The following SLC35G1 variants were observed in gnomAD, a reference collection of about 807,000 sequenced individuals.
SLC35G1 encodes the protein solute carrier family 35 member G1, also known as partner of STIM1.
Under a neutral mutation model 17.1 loss-of-function variants are expected in SLC35G1, and 10 were observed. The observed-to-expected ratio is 0.59, with a 90% confidence interval of 0.36 to 0.99. The LOEUF is 0.99. Among genes scored for constraint, SLC35G1 ranks in the 50% least tolerant of loss-of-function variants. The probability of loss-of-function intolerance (pLI) is 0.01; values close to 1 mark genes in which losing one functional copy is unlikely to be tolerated. For missense variants in SLC35G1, 433 were observed against 468.4 expected (o/e 0.92, Z 0.70); for synonymous variants, 185 against 181.1 (o/e 1.02, Z -0.18).
At chr10:93,906,555 T>A (rs1458749092), downstream of SLC35G1, among the ~76,000 whole-genome samples, 1 of 151,934 alleles carries the variant, frequency 6.6e-6, no homozygotes, top group Non-Finnish European at 1.5e-5. Context: ...AAAAAAAAAA[T>A]ATAAACGATA....
Position 93,898,478 on chromosome 10 carries a change from C to T in SLC35G1, c.179-93C>T, listed in dbSNP as rs2060352190. 2.3e-6 allele frequency: 3 copies of T among 1,287,996 alleles called. No individual in the cohort carries two copies. The African/African-American group carries it at 4.5e-5, about 19-fold the overall frequency. The allele number at this position is 1,287,996 out of a possible 1,614,324, so 79.8% of individuals were successfully genotyped here. A position where few individuals can be genotyped will look rare whatever the true frequency, so the allele number is the denominator to read the frequency against. On this transcript the variant is annotated intron_variant, in intron 1 of 2. Transcript: ENST00000427197. ...TTAGGAGGTAATAAAGCCTGTTGAC[C>T]TTTGACACTGTTCCATTTTTCTCAG... is the stretch of plus-strand genomic sequence containing the variant.
chr10:93,897,113 AT>A (rs1429758598), intron 1 of SLC35G1, among the ~76,000 whole-genome samples: 1 of 152,208 alleles, frequency 6.6e-6, no homozygotes, highest in Admixed American at 6.5e-5. Context: ...ACAGAACAGA[AT>A]GAGGATTCTG....
intron 1 of SLC35G1, among the ~76,000 whole-genome samples, chr10:93,896,924 T>C (rs2060335687): frequency 6.6e-6 from 1 of 152,182 alleles, no homozygotes; most frequent in African/African-American, 2.4e-5. Context: ...GGGGTTGAGT[T>C]TCTTTTAAGA....
chr10:93,906,532 G>A (rs1464484416), downstream of SLC35G1: 1 of 152,062 alleles, frequency 6.6e-6, no homozygotes, highest in Non-Finnish European at 1.5e-5. Flanking sequence ...AGTTATTACT[G>A]TTTTAAGCCA....
downstream of SLC35G1, chr10:93,908,525 A>G (rs1285860740): frequency 2.0e-5 from 3 of 152,208 alleles, no homozygotes; most frequent in African/African-American, 7.2e-5. Flanking sequence ...TTAGGGATAC[A>G]TATGTCCTCC....
At chr10:93,896,014 A>C (rs2060326368) in intron 1 of SLC35G1, among the ~76,000 whole-genome samples, 1 of 149,208 alleles carries the variant, frequency 6.7e-6, no homozygotes, top group African/African-American at 2.5e-5. Context: ...TTTTGGAGAT[A>C]GGGTCTTACT....
Position 93,901,238 on chromosome 10 carries a change from G to A in SLC35G1, c.846G>A (p.Gly282=). Reference sequence around the variant, plus strand: ...GAGAGTGGAGTCTGCCTTACTGTGGGTTGGACAGGCTATTTCTCATATTCA... The same window carrying A: ...GAGAGTGGAGTCTGCCTTACTGTGGATTGGACAGGCTATTTCTCATATTCA... ...VLGEWSLPYC[G]LDRLFLIFIG... The change falls in exon 3 of 3, where the codon GGG becomes GGA. Residue 282 remains glycine (G), a synonymous_variant. Transcript: ENST00000427197. 1 of 1,613,998 alleles carries A rather than the reference G, an allele frequency of 6.2e-7. No individual in the cohort carries two copies. The highest frequency in any genetic ancestry group is 8.5e-7 in the Non-Finnish European group (1 of 1,179,910).
At chr10:93,894,750 A>G (rs752458380) in intron 1 of SLC35G1, among the ~76,000 whole-genome samples, 5 of 152,164 alleles carry the variant, frequency 3.3e-5, no homozygotes, top group Non-Finnish European at 7.3e-5. Flanking sequence ...CTTTTTAGCA[A>G]ACGATGCAGA....
At chr10:93,904,295 C>A (rs980732075), downstream of SLC35G1, among the ~76,000 whole-genome samples, 3 of 152,166 alleles carry the variant, frequency 2.0e-5, no homozygotes, top group Non-Finnish European at 4.4e-5. Context: ...CACTCTGATT[C>A]CTGTCTCAGT....
In SLC35G1 at chr10:93,902,175, G is replaced by C. The variant is rs1238049199; in HGVS notation, c.*685G>C. 6.6e-6 allele frequency: 1 copy of C among 152,490 alleles called. No homozygotes were observed. Among genetic ancestry groups the C allele is most frequent in the East Asian group, 1.9e-4 (1 of 5,198 alleles). The allele number at this position is 152,490 out of a possible 1,614,324, so 9.4% of individuals were successfully genotyped here. On this transcript the variant is annotated 3_prime_UTR_variant, in exon 3 of 3. Coordinates refer to ENST00000427197, the MANE Select transcript of SLC35G1 (RefSeq NM_001134658.3). ...CTAAAACACTTAAATTGCCAAATTT[G>C]GCTAGTAGTTTTGTTTCAGTGGCAT...
Position 93,893,981 on chromosome 10 carries a change from C to A in SLC35G1, c.-53C>A. On this transcript the variant is annotated 5_prime_UTR_variant, in exon 1 of 3. Transcript: ENST00000427197. ...CCCGCCGGAAGAGCGGCAGCCCAGG[C>A]GCTGCTGCTGGCGCCAGACGGCACC... is the stretch of plus-strand genomic sequence containing the variant. 2 of 1,306,414 alleles carry A rather than the reference C, an allele frequency of 1.5e-6. No homozygotes were observed. Among genetic ancestry groups the A allele is most frequent in the African/African-American group, 1.6e-5 (1 of 64,344 alleles). 80.9% of individuals were successfully genotyped at this position (1,306,414 alleles called of 1,614,324 possible).
chr10:93,896,294 G>T (rs1373493641), intron 1 of SLC35G1, among the ~76,000 whole-genome samples: 3 of 152,124 alleles, frequency 2.0e-5, no homozygotes, highest in Non-Finnish European at 4.4e-5. Flanking sequence ...CTGCACCCAG[G>T]AATTAAAGTT....
In SLC35G1 at chr10:93,894,143, C is replaced by T. The variant is rs1343149124; in HGVS notation, c.110C>T (p.Ala37Val). Residue 37 changes from alanine to valine, a missense_variant, in exon 1 of 3, where the codon GCT becomes GTT. Physicochemically the swap from Ala to Val is moderately conservative, Grantham distance 64. Coordinates refer to ENST00000427197, the MANE Select transcript of SLC35G1 (RefSeq NM_001134658.3). ...GAGGAGCCGGCGGCCGCCGAGGCAG[C>T]TGGGGCGCCAGACCGCGGTAGGTGC... ...ATEEPAAAEA[A>V]GAPDRGRCWL... 1.3e-6 allele frequency: 2 copies of T among 1,483,356 alleles called. No homozygotes were observed. Among genetic ancestry groups the T allele is most frequent in the Admixed American group, 2.3e-5 (1 of 43,488 alleles). 91.9% of individuals were successfully genotyped at this position (1,483,356 alleles called of 1,614,324 possible). A position where few individuals can be genotyped will look rare whatever the true frequency, so the allele number is the denominator to read the frequency against.
At chr10:93,909,270 G>A (rs1267059056) in exon 3 of SLC35G1, 1 of 152,092 alleles carries the variant, frequency 6.6e-6, no homozygotes, top group African/African-American at 2.4e-5. Flanking sequence ...GCTAATAAGT[G>A]TCAAGAGTCT....
At chr10:93,907,292 T>C (rs2060435121), downstream of SLC35G1, 1 of 152,186 alleles carries the variant, frequency 6.6e-6, no homozygotes, top group Admixed American at 6.5e-5. Flanking sequence ...ATGTGCATTT[T>C]AGAAAAGTCA....
At position 93,901,066 on chromosome 10, in the gene SLC35G1, C is replaced by T. The variant is rs746258575; in HGVS notation, c.674C>T (p.Thr225Ile). 5 of 1,614,110 alleles carry T rather than the reference C, an allele frequency of 3.1e-6. No individual in the cohort carries two copies. The highest frequency in any genetic ancestry group is 4.2e-6 in the Non-Finnish European group (5 of 1,179,982). ...AGCTATTCAGGCCACCTTAAGGGAA[C>T]ATTCGCAGCAATTGGAAGTGCCGTA... ...EESYSGHLKG[T>I]FAAIGSAVFA... is the part of the protein sequence containing the mutation. Residue 225 changes from threonine (T) to isoleucine (I), a missense_variant, in exon 3 of 3, where the codon ACA (threonine) becomes ATA (isoleucine). Transcript: ENST00000427197.
rs2060385784 is a variant in SLC35G1, at chr10:93,901,618, A to G, written c.*128A>G. ...TATTTAATAAATTGCCTAAAGTACC[A>G]TTTTTGAATATAGTATGTCTTTAGT... On this transcript the variant is annotated 3_prime_UTR_variant, in exon 3 of 3. Coordinates refer to ENST00000427197, the MANE Select transcript of SLC35G1 (RefSeq NM_001134658.3). 1 of 1,030,342 alleles carries G rather than the reference A, an allele frequency of 9.7e-7. No individual in the cohort carries two copies. The allele number at this position is 1,030,342 out of a possible 1,614,324, so 63.8% of individuals were successfully genotyped here.
At chr10:93,900,606 ATAT>A (rs1450442111) in intron 2 of SLC35G1, 143 bp from the exon 3 acceptor site, 7 of 709,968 alleles carry the variant, frequency 9.9e-6, no homozygotes, top group East Asian at 2.9e-5. Flanking sequence ...AAAGTATATA[ATAT>A]TCATTTGTGG....
chr10:93,904,025 A>G (rs555393458), downstream of SLC35G1, among the ~76,000 whole-genome samples: 1 of 152,316 alleles, frequency 6.6e-6, no homozygotes, highest in Non-Finnish European at 1.5e-5. Flanking sequence ...AAATAAAGGC[A>G]TTAGTCTTCT....
Sources: allele counts gnomAD v4.1 joint callset (sites outside exome capture counted in the v4.1 genomes callset), GRCh38; gene constraint gnomAD v4.1.1; transcripts MANE v1.5; gene names NCBI Gene and HGNC (gene_info 2026-07-23, HGNC 2026-07-21).